CABLES1: variants seen among roughly 807,000 people sequenced by gnomAD.
CABLES1 encodes the protein Cdk5 and Abl enzyme substrate 1.
Under a neutral mutation model 57.8 loss-of-function variants are expected in CABLES1, and 36 were observed. The ratio of observed to expected loss-of-function variants is 0.62; its 90% CI spans 0.48 to 0.82. The LOEUF (loss-of-function observed/expected upper bound fraction) is 0.82. Ranked by LOEUF, CABLES1 falls within the 40% of genes least tolerant of loss-of-function variation. The pLI is 0.00. For synonymous variants in CABLES1, 374 were observed against 363.0 expected (o/e 1.03, Z -0.35); for missense variants, 767 against 836.6 (o/e 0.92, Z 1.03).
chr18:23,180,842 G>C (rs1274109816), intron 1 of CABLES1, among the ~76,000 whole-genome samples: 1 of 152,068 alleles, frequency 6.6e-6, no homozygotes, highest in Non-Finnish European at 1.5e-5. Flanking sequence ...TGTCTGTGGT[G>C]GGGGGATGGA....
intron 1 of CABLES1, among the ~76,000 whole-genome samples, chr18:23,150,203 G>GTTT (rs140194017): frequency 4.7e-5 from 3 of 64,236 alleles, no homozygotes; most frequent in Non-Finnish European, 8.6e-5. Flanking sequence ...AGTAGTTGGT[G>GTTT]TTTGTTTTTT....
At chr18:23,244,207 G>GA (rs144215097) in intron 7 of CABLES1, among the ~76,000 whole-genome samples, 2,154 of 152,300 alleles carry the variant, frequency 0.014, 49 homozygotes, top group East Asian at 0.075. Flanking sequence ...AGTGGATGGA[G>GA]ACACTACTCC....
chr18:23,210,528 T>C (rs2047397131), intron 3 of CABLES1, among the ~76,000 whole-genome samples: 1 of 152,214 alleles, frequency 6.6e-6, no homozygotes, highest in Non-Finnish European at 1.5e-5. Flanking sequence ...TCCATTACCA[T>C]GGACATTTCC....
intron 7 of CABLES1, among the ~76,000 whole-genome samples, chr18:23,242,799 G>A (rs938821137): frequency 5.9e-5 from 9 of 151,972 alleles, no homozygotes; most frequent in Non-Finnish European, 1.2e-4. Context: ...TTTATTTACC[G>A]AATATTAAAA....
intron 1 of CABLES1, among the ~76,000 whole-genome samples, chr18:23,145,354 A>G (rs577572464): frequency 6.6e-6 from 1 of 152,162 alleles, no homozygotes; most frequent in South Asian, 2.1e-4. Context: ...CGGCCTCCCA[A>G]AGTGCTGGGA....
intron 1 of CABLES1, among the ~76,000 whole-genome samples, chr18:23,180,414 A>G (rs539678713): frequency 1.2e-3 from 178 of 152,266 alleles, no homozygotes; most frequent in African/African-American, 4.1e-3. Flanking sequence ...GGAAATAACA[A>G]TAGGGTGATG....
intron 4 of CABLES1, chr18:23,219,247 G>A (rs757549889): frequency 2.2e-6 from 1 of 454,114 alleles, no homozygotes; most frequent in East Asian, 6.9e-5. Flanking sequence ...CATCCCTCTG[G>A]TCCTCTGTCT....
At position 23,135,659 on chromosome 18, in the gene CABLES1, G is replaced by A; in HGVS notation, c.-104G>A. ...CCGCCGCGCACGCCGCCCGATCCCC[G>A]CGCCCTACCCAGCCCGGGTCGCCGC... On this transcript the variant is annotated 5_prime_UTR_variant, in exon 1 of 10. Transcript: ENST00000256925. 3.2e-6 allele frequency: 3 copies of A among 950,680 alleles called. No individual in the cohort carries two copies. Among genetic ancestry groups the A allele is most frequent in the Non-Finnish European group, 3.7e-6 (3 of 801,262 alleles). The allele number at this position is 950,680 out of a possible 1,614,324, so 58.9% of individuals were successfully genotyped here. A position where few individuals can be genotyped will look rare whatever the true frequency, so the allele number is the denominator to read the frequency against.
At chr18:23,182,737 G>C (rs1453295861) in intron 1 of CABLES1, among the ~76,000 whole-genome samples, 3 of 152,216 alleles carry the variant, frequency 2.0e-5, no homozygotes. Context: ...GCTTTCCCCT[G>C]GGTGCCCACT....
At chr18:23,178,029 T>C (rs1271975604) in intron 1 of CABLES1, among the ~76,000 whole-genome samples, 1 of 152,206 alleles carries the variant, frequency 6.6e-6, no homozygotes, top group Non-Finnish European at 1.5e-5. Context: ...CATTTCTGTC[T>C]AGGGTGAAGC....
At chr18:23,247,372 C>G (rs953916460) in intron 7 of CABLES1, among the ~76,000 whole-genome samples, 4 of 152,234 alleles carry the variant, frequency 2.6e-5, no homozygotes, top group Non-Finnish European at 2.9e-5. Flanking sequence ...GTGATCCGTC[C>G]AGTTTCCATA....
In CABLES1 at chr18:23,235,895, A is replaced by G. The variant is rs200376656; in HGVS notation, c.1186A>G (p.Thr396Ala). 1 of 1,614,036 alleles carries G rather than the reference A, an allele frequency of 6.2e-7. No homozygotes were observed. The highest frequency in any genetic ancestry group is 8.5e-7 in the Non-Finnish European group (1 of 1,179,948). The part of the protein sequence containing the change: ...EGVELGADGK[T>A]VSYTQFLLPT... ...GCCTGTTTTTGTCTTCACCTTTTAGACTGTTTCCTATACCCAATTTCTGTT... is the reference window on the plus strand; with the variant it reads ...GCCTGTTTTTGTCTTCACCTTTTAGGCTGTTTCCTATACCCAATTTCTGTT... The change falls in exon 6 of 10, where the codon ACT becomes GCT. Residue 396 changes from threonine to alanine, a missense_variant and splice_region_variant. Around this residue, in one of 4 missense-constraint regions of CABLES1, gnomAD observed 529 missense variants for 622.8 expected, o/e 0.85. Transcript: ENST00000256925.
Position 23,236,156 on chromosome 18 carries a change from C to T in CABLES1, c.1342+105C>T, listed in dbSNP as rs558712568. 27 of 1,238,456 alleles carry T rather than the reference C, an allele frequency of 2.2e-5. No homozygotes were observed. In the African/African-American group the frequency reaches 3.8e-4, roughly 17 times the overall value. The allele number at this position is 1,238,456 out of a possible 1,614,324, so 76.7% of individuals were successfully genotyped here. The stretch of plus-strand genomic sequence containing the variant: ...TGATGCAGACTGGAAGACAGGGGCT[C>T]GCAGGTGACATGACTTTTAGGAAAG... On this transcript the variant is annotated intron_variant, in intron 6 of 9. Transcript: ENST00000256925.
At chr18:23,186,723 G>C (rs2047205735) in intron 1 of CABLES1, among the ~76,000 whole-genome samples, 1 of 152,010 alleles carries the variant, frequency 6.6e-6, no homozygotes, top group African/African-American at 2.4e-5. Context: ...TGCCCAGCCG[G>C]ATTAAGGAGC....
chr18:23,187,269 C>T (rs904126908), intron 1 of CABLES1, among the ~76,000 whole-genome samples: 11 of 152,104 alleles, frequency 7.2e-5, no homozygotes, highest in African/African-American at 2.7e-4. Flanking sequence ...GTAGAAAGTC[C>T]GGTATGTCAT....
At position 23,256,713 on chromosome 18, in the gene CABLES1, G is replaced by A. The variant is rs972109033; in HGVS notation, c.1762-514G>A. 5.9e-5 allele frequency among the ~76,000 whole-genome samples: 9 copies of A among 152,246 alleles called. No individual in the cohort carries two copies. The South Asian group carries it at 1.7e-3, about 28-fold the overall frequency. On this transcript the variant is annotated intron_variant, in intron 9 of 9. Coordinates refer to ENST00000256925, the MANE Select transcript of CABLES1 (RefSeq NM_001100619.3). ...TTGCCCAGGCTGGTCTCAAACTCCC[G>A]ACCTCAAGTGATCCACCCACCTCGG...
At chr18:23,160,039 CT>C (rs869231402) in intron 1 of CABLES1, among the ~76,000 whole-genome samples, 3,810 of 140,724 alleles carry the variant, frequency 0.027, 106 homozygotes, top group African/African-American at 0.08. Context: ...CAAGCAAGAA[CT>C]TTTTTTTTTT....
intron 6 of CABLES1, 45 bp from the exon 7 acceptor site, chr18:23,237,097 C>T (rs747777804): frequency 8.9e-7 from 1 of 1,126,162 alleles, no homozygotes; most frequent in Non-Finnish European, 1.4e-6. Flanking sequence ...TGGGGAGGGT[C>T]CGGAGCCGCT....
chr18:23,255,653 A>G (rs1176855074), intron 9 of CABLES1, among the ~76,000 whole-genome samples: 1 of 149,062 alleles, frequency 6.7e-6, no homozygotes, highest in Non-Finnish European at 1.5e-5. Context: ...TCCACCTCCC[A>G]GACTCAAGCA....
Sources: gnomAD v4.1 joint callset for allele counts (sites outside exome capture counted in the v4.1 genomes callset) on GRCh38, gnomAD v4.1.1 for gene constraint, gnomAD v4.1.1 regional missense constraint, MANE v1.5 for transcripts, NCBI Gene and HGNC (gene_info 2026-07-23, HGNC 2026-07-21) for gene names.